Variants in ADGRB3 observed in about 807,000 individuals in gnomAD.
The protein encoded by ADGRB3 is adhesion G protein-coupled receptor B3.
ADGRB3 carries 37 observed loss-of-function variants against 193.4 expected under a neutral mutation model. The observed-to-expected ratio is 0.19, with a 90% CI of 0.15 to 0.25. The LOEUF is 0.25. ADGRB3 is among the 10% of genes least tolerant of loss of function. The pLI, the probability that ADGRB3 is intolerant of heterozygous loss-of-function variation, is 1.00. For synonymous variants in ADGRB3, 690 were observed against 644.2 expected, an observed-to-expected ratio of 1.07 and a Z score of -1.08; for missense variants, 1,637 against 1,852.9, an observed-to-expected ratio of 0.88 and a Z score of 2.14.
chr6:69,000,889 T>G (rs1272725965), intron 11 of ADGRB3, among the ~76,000 whole-genome samples: 1 of 152,318 alleles, frequency 6.6e-6, no homozygotes, highest in African/African-American at 2.4e-5. Flanking sequence ...AGGGATATGG[T>G]GAGGCTCAGA....
intron 13 of ADGRB3, among the ~76,000 whole-genome samples, chr6:69,020,791 A>G (rs1474742152): frequency 2.6e-5 from 4 of 152,060 alleles, no homozygotes; most frequent in African/African-American, 7.2e-5. Context: ...ACTGACTGAC[A>G]CTGTAGTTTG....
chr6:68,984,317 T>G (rs910526047), intron 10 of ADGRB3, among the ~76,000 whole-genome samples: 21 of 152,106 alleles, frequency 1.4e-4, no homozygotes, highest in Non-Finnish European at 4.4e-5. Context: ...TTTGGCTGGT[T>G]ATAATGTCAT....
intron 13 of ADGRB3, among the ~76,000 whole-genome samples, chr6:69,042,939 A>G (rs1771114626): frequency 6.6e-6 from 1 of 152,178 alleles, no homozygotes; most frequent in African/African-American, 2.4e-5. Context: ...TATGGTGATG[A>G]GGTGCCATTG....
intron 3 of ADGRB3, among the ~76,000 whole-genome samples, chr6:68,724,973 G>T (rs898545982): frequency 5.3e-5 from 8 of 151,316 alleles, no homozygotes; most frequent in Non-Finnish European, 7.4e-5. Flanking sequence ...GTTTTTTTCC[G>T]CAAATATATG....
chr6:69,246,362 A>G (rs763580279), intron 20 of ADGRB3, among the ~76,000 whole-genome samples: 68 of 152,138 alleles, frequency 4.5e-4, no homozygotes, highest in Non-Finnish European at 4.3e-4. Context: ...ATTTGAAGGT[A>G]ATAAGCTTAT....
intron 16 of ADGRB3, among the ~76,000 whole-genome samples, chr6:69,065,697 G>A (rs1771879751): frequency 6.7e-6 from 1 of 148,770 alleles, no homozygotes; most frequent in Non-Finnish European, 1.5e-5. Context: ...GAAATGTGAA[G>A]AAAAAATATA....
At chr6:69,253,245 A>G (rs1191854204) in intron 20 of ADGRB3, among the ~76,000 whole-genome samples, 1 of 151,954 alleles carries the variant, frequency 6.6e-6, no homozygotes, top group Non-Finnish European at 1.5e-5. Context: ...CCTTTCCAAT[A>G]TTATTTTGCT....
chr6:69,388,825 A>G lies in ADGRB3; in HGVS notation c.4503A>G (p.Ala1501=). ...AGGATGCTTTGGAACTGAGGCCAGC[A>G]GAGTGGGAGAAGTGTCTGAATTTGC... ...EAKDALELRP[A]EWEKCLNLPL... The change falls in exon 32 of 32, where the codon GCA becomes GCG. Residue 1501 remains alanine (A), a synonymous_variant. Transcript: ENST00000370598. 6.2e-7 allele frequency: 1 copy of G among 1,613,550 alleles called. No homozygotes were observed. The highest frequency in any genetic ancestry group is 8.5e-7 in the Non-Finnish European group (1 of 1,179,642).
intron 16 of ADGRB3, among the ~76,000 whole-genome samples, chr6:69,065,762 TATAC>T (rs1210407324): frequency 0.028 from 3,441 of 124,704 alleles, 53 homozygotes; most frequent in Non-Finnish European, 0.043. Flanking sequence ...CATGTATATA[TATAC>T]ACACACACAC....
intron 17 of ADGRB3, among the ~76,000 whole-genome samples, chr6:69,112,012 TGGCAGATA>T (rs1289691588): frequency 6.6e-6 from 1 of 152,252 alleles, no homozygotes; most frequent in African/African-American, 2.4e-5. Context: ...AATCTCCTGA[TGGCAGATA>T]GGCTCTGTGA....
At chr6:68,672,227 C>G (rs758537455) in intron 3 of ADGRB3, among the ~76,000 whole-genome samples, 2 of 150,956 alleles carry the variant, frequency 1.3e-5, no homozygotes, top group Non-Finnish European at 3.0e-5. Context: ...TTTGCTTGAT[C>G]TTTTGTATTA....
At chr6:68,736,265 C>G (rs187184825) in intron 3 of ADGRB3, among the ~76,000 whole-genome samples, 5 of 152,076 alleles carry the variant, frequency 3.3e-5, no homozygotes, top group Non-Finnish European at 5.9e-5. Flanking sequence ...GCTATCCACC[C>G]GGCTCAGCCT....
At position 68,782,914 on chromosome 6, in the gene ADGRB3, A is replaced by T. The variant is rs189500404; in HGVS notation, c.757+143482A>T. On this transcript the variant is annotated intron_variant, in intron 3 of 31. Transcript: ENST00000370598. ...AGTAAGTATACTCATTTTTATAGACATACCAAGTGATAACATATGAAATGA... is the reference window on the plus strand; with the variant it reads ...AGTAAGTATACTCATTTTTATAGACTTACCAAGTGATAACATATGAAATGA... Among the ~76,000 whole-genome samples, 1,115 of 152,092 alleles carry T rather than the reference A, an allele frequency of 7.3e-3. 7 individuals carry two copies. The highest frequency in any genetic ancestry group is 0.012 in the Non-Finnish European group (814 of 67,966).
intron 3 of ADGRB3, among the ~76,000 whole-genome samples, chr6:68,729,488 C>T (rs1765731511): frequency 1.3e-5 from 2 of 151,504 alleles, no homozygotes; most frequent in Admixed American, 1.3e-4. Flanking sequence ...CATGACGAGT[C>T]AGAATGATCA....
At chr6:68,829,924 A>C (rs756979914) in intron 3 of ADGRB3, among the ~76,000 whole-genome samples, 17 of 152,176 alleles carry the variant, frequency 1.1e-4, no homozygotes, top group Non-Finnish European at 1.9e-4. Flanking sequence ...CATAATGATA[A>C]AAATGAGTGT....
intron 4 of ADGRB3, among the ~76,000 whole-genome samples, chr6:68,932,779 G>T (rs1474117440): frequency 6.6e-6 from 1 of 150,916 alleles, no homozygotes; most frequent in African/African-American, 2.4e-5. Flanking sequence ...TGAGAACAAA[G>T]AATAAGGCAA....
At chr6:68,956,325 G>A (rs2150256666) in intron 7 of ADGRB3, 137 bp downstream of exon 7, 4 of 928,602 alleles carry the variant, frequency 4.3e-6, no homozygotes, top group Non-Finnish European at 6.2e-6. Context: ...GTGTGTGTGT[G>A]TGTATACATG....
intron 3 of ADGRB3, among the ~76,000 whole-genome samples, chr6:68,899,444 C>A (rs545017000): frequency 8.3e-6 from 1 of 120,682 alleles, no homozygotes; most frequent in East Asian, 2.9e-4. Flanking sequence ...CTCCCCCCTC[C>A]CCCCACCCCA....
chr6:68,725,169 G>C (rs942275474), intron 3 of ADGRB3, among the ~76,000 whole-genome samples: 7 of 151,590 alleles, frequency 4.6e-5, no homozygotes, highest in Admixed American at 1.3e-4. Flanking sequence ...GAATAAACCT[G>C]TGCTCATCCC....
Sources: allele counts gnomAD v4.1 joint callset (sites outside exome capture counted in the v4.1 genomes callset), GRCh38; gene constraint gnomAD v4.1.1; transcripts MANE v1.5; gene names NCBI Gene and HGNC (gene_info 2026-07-23, HGNC 2026-07-21).